CACNA1F: variants seen among roughly 807,000 people sequenced by gnomAD.
The protein encoded by CACNA1F is calcium voltage-gated channel subunit alpha1 F.
A neutral mutation model predicts 143.8 loss-of-function variants in CACNA1F; 59 were observed. That is an observed-to-expected ratio of 0.41 (90% CI 0.33 to 0.51). The LOEUF is 0.51. Ranked by LOEUF, CACNA1F falls within the 20% of genes least tolerant of loss-of-function variation. CACNA1F has a pLI of 0.22. For missense variants in CACNA1F, 1,411 were observed against 1,647.5 expected (o/e 0.86, Z 2.48); for synonymous variants, 643 against 649.1 (o/e 0.99, Z 0.14).
In CACNA1F at chrX:49,226,657, C is replaced by T. The variant is rs1234852260; in HGVS notation, c.1322G>A (p.Arg441His). Residue 441 changes from arginine (R) to histidine (H), a missense_variant, in exon 10 of 48, where the codon CGC (arginine) becomes CAC (histidine). Physicochemically the swap from Arg to His is conservative, Grantham distance 29. This residue lies in a region of CACNA1F where 950 missense variants were observed against 1,128.1 expected (regional missense o/e 0.84). Coordinates refer to ENST00000323022, the MANE Select transcript of CACNA1F (RefSeq NM_001256789.3). Reference protein sequence around the residue: ...ELTNRRRGRLRWFSHSTRSTH... With the variant: ...ELTNRRRGRLHWFSHSTRSTH... ...GGAGCGAGTAGAATGACTGAACCAG[C>T]GCAGACGTCCACGCCTCCTATTGGT... 1.8e-5 allele frequency: 21 copies of T among 1,182,363 alleles called. No homozygotes were observed. Among genetic ancestry groups the T allele is most frequent in the African/African-American group, 1.1e-4 (6 of 56,381 alleles).
chrX:49,216,604 G>C, intron 26 of CACNA1F, 76 bp from the exon 27 acceptor site: 3 of 932,712 alleles, frequency 3.2e-6, no homozygotes, highest in Non-Finnish European at 4.5e-6. Flanking sequence ...CTCCAGCATG[G>C]AGGCAGCAGG....
chrX:49,226,879 C>T, intron 9 of CACNA1F, 91 bp downstream of exon 9: 2 of 1,148,556 alleles, frequency 1.7e-6, no homozygotes, highest in Non-Finnish European at 2.4e-6. Context: ...GGGTGGGTCT[C>T]AGGAGGGCAG....
chrX:49,215,024 A>T (rs983154864), intron 29 of CACNA1F, 62 bp downstream of exon 29: 30 of 1,062,171 alleles, frequency 2.8e-5, no homozygotes, highest in Non-Finnish European at 3.8e-5. Context: ...AATGGTTCCC[A>T]AGGGATTATG....
chrX:49,219,794 G>T lies in CACNA1F; in HGVS notation c.2387-4C>A. On this transcript the variant is annotated splice_region_variant and splice_polypyrimidine_tract_variant and intron_variant, in intron 19 of 47. Transcript: ENST00000323022. ...TCCTCCTCCTCCTCCTCCATGTCTG[G>T]CACCAGAGAAAAGCAAAAAAAAATT... The T allele has an allele frequency of 2.8e-6, 3 of 1,070,338 alleles. No individual in the cohort carries two copies. The highest frequency in any genetic ancestry group is 2.5e-6 in the Non-Finnish European group (2 of 787,031). 88.2% of individuals were successfully genotyped at this position (1,070,338 alleles called of 1,213,427 possible). A position where few individuals can be genotyped will look rare whatever the true frequency, so the allele number is the denominator to read the frequency against.
At position 49,214,223 on chromosome X, in the gene CACNA1F, T is replaced by C. The variant is rs1216204070; in HGVS notation, c.3644A>G (p.Asn1215Ser). Reference protein sequence around the residue: ...APFNYAMDILNMVFTGLFTIE... With the variant: ...APFNYAMDILSMVFTGLFTIE... ...AGTGAAGAGGCCAGTGAAGACCATG[T>C]TGAGGATGTCCATGGCATAGTTGAA... is the stretch of plus-strand genomic sequence containing the variant. The change falls in exon 30 of 48, where the codon AAC becomes AGC. Residue 1215 changes from asparagine to serine, a missense_variant. Physicochemically the swap from Asn to Ser is conservative, Grantham distance 46. Coordinates refer to ENST00000323022, the MANE Select transcript of CACNA1F (RefSeq NM_001256789.3). 8.3e-7 allele frequency: 1 copy of C among 1,203,967 alleles called. No homozygotes were observed.
Position 49,228,398 on chromosome X carries a change from C to T in CACNA1F, c.867G>A (p.Gly289=), listed in dbSNP as rs199981245. Residue 289 remains glycine, a synonymous_variant, in exon 7 of 48, where the codon GGG becomes GGA. Coordinates refer to ENST00000323022, the MANE Select transcript of CACNA1F (RefSeq NM_001256789.3). ...DPSPCASSGS[G]RACTLNQTEC... Reference sequence around the variant, plus strand: ...CAGTCTGGTTCAGCGTGCACGCACGCCCTGATCCCGAAGACGCACAGGGCG... The same window carrying T: ...CAGTCTGGTTCAGCGTGCACGCACGTCCTGATCCCGAAGACGCACAGGGCG... 10 of 1,208,871 alleles carry T rather than the reference C, an allele frequency of 8.3e-6. No individual in the cohort carries two copies. The East Asian group carries it at 1.2e-4, about 14-fold the overall frequency.
chrX:49,221,707 C>T (rs1007147234), intron 17 of CACNA1F, among the ~76,000 whole-genome samples: 3 of 106,265 alleles, frequency 2.8e-5, no homozygotes, highest in African/African-American at 1.0e-4. Context: ...TGGTCAGGTG[C>T]GGTGGCTCAC....
At chrX:49,225,072 A>ATG in intron 13 of CACNA1F, 86 bp from the exon 14 acceptor site, 1 of 614,248 alleles carries the variant, frequency 1.6e-6, no homozygotes, top group South Asian at 2.4e-5. Flanking sequence ...GGGGTGACCC[A>ATG]CGGTAGCTGG....
intron 17 of CACNA1F, among the ~76,000 whole-genome samples, chrX:49,221,503 G>C (rs2065774575): frequency 9.1e-6 from 1 of 110,260 alleles, no homozygotes; most frequent in Non-Finnish European, 1.9e-5. Context: ...CCGCCTCCTG[G>C]GTTCAAGCGA....
At position 49,231,907 on chromosome X, in the gene CACNA1F, G is replaced by A. The variant is rs781798847; in HGVS notation, c.46C>T (p.Pro16Ser). 2 of 1,177,288 alleles carry A rather than the reference G, an allele frequency of 1.7e-6. No homozygotes were observed. The highest frequency in any genetic ancestry group is 3.7e-5 in the South Asian group (2 of 53,594). ...GGACCAGGGCCTGCCCCATTGGCTG[G>A]ACTGGGCTCTGGGGTGGTGTCTATA... ...GGKDTTPEPS[P>S]ANGAGPGPEW... Residue 16 changes from proline (P) to serine (S), a missense_variant, in exon 2 of 48, where the codon CCA (proline) becomes TCA (serine). Around this residue, in one of 3 missense-constraint regions of CACNA1F, gnomAD observed 950 missense variants for 1,128.1 expected, o/e 0.84. Coordinates refer to ENST00000323022, the MANE Select transcript of CACNA1F (RefSeq NM_001256789.3).
chrX:49,221,988 TA>T (rs60236413), intron 17 of CACNA1F, among the ~76,000 whole-genome samples: 75 of 100,106 alleles, frequency 7.5e-4, no homozygotes, highest in Middle Eastern at 5.1e-3. Context: ...CATATCAGAA[TA>T]AAAAAAAAAA....
chrX:49,225,785 T>G, intron 13 of CACNA1F, 124 bp downstream of exon 13: 4 of 491,060 alleles, frequency 8.1e-6, no homozygotes, highest in Non-Finnish European at 1.4e-5. Context: ...GGGCTCTGGA[T>G]TTATTTGGGT....
In CACNA1F at chrX:49,206,557, G is replaced by A; in HGVS notation, c.5426C>T (p.Pro1809Leu). The change falls in exon 46 of 48, where the codon CCA (proline) becomes CTA (leucine). Residue 1809 changes from proline (P) to leucine (L), a missense_variant. Physicochemically the swap from Pro to Leu is moderately conservative, Grantham distance 98. Coordinates refer to ENST00000323022, the MANE Select transcript of CACNA1F (RefSeq NM_001256789.3). ...RQGSCEDLPIPGTYHRGRNSG... is the reference protein window; with the variant it reads ...RQGSCEDLPILGTYHRGRNSG... ...ATTTCGCCCACGATGATAGGTGCCT[G>A]GGATGGGTAAATCCTCACAACTGCC... The A allele has an allele frequency of 8.3e-7, 1 of 1,211,118 alleles. No individual in the cohort carries two copies. The highest frequency in any genetic ancestry group is 2.3e-4 in the Middle Eastern group (1 of 4,346).
chrX:49,206,392 CAAAAA>C (rs1168190548), intron 46 of CACNA1F, 114 bp downstream of exon 46: 355 of 165,180 alleles, frequency 2.1e-3, no homozygotes, highest in Middle Eastern at 5.7e-3. Context: ...AACTCTGTCT[CAAAAA>C]AAAAAAAAAA....
Position 49,226,080 on chromosome X carries a change from G to T in CACNA1F, c.1491-11C>A. 8.4e-7 allele frequency: 1 copy of T among 1,192,691 alleles called. No homozygotes were observed. Among genetic ancestry groups the T allele is most frequent in the Non-Finnish European group, 1.1e-6 (1 of 885,388 alleles). On this transcript the variant is annotated splice_polypyrimidine_tract_variant and intron_variant, in intron 12 of 47. Coordinates refer to ENST00000323022, the MANE Select transcript of CACNA1F (RefSeq NM_001256789.3). ...CGGCGGAGGCGGCGGCTGGGGGAAG[G>T]GGAGCCCACAGGCTGAGATCACCTA...
chrX:49,214,123 A>G (rs1345221863), intron 30 of CACNA1F, 36 bp downstream of exon 30: 3 of 919,677 alleles, frequency 3.3e-6, no homozygotes, highest in Non-Finnish European at 4.8e-6. Context: ...CAAGGAATTC[A>G]TCCACTGGTG....
chrX:49,207,156 T>G (rs782266690), intron 43 of CACNA1F, 44 bp from the exon 44 acceptor site: 1 of 789,414 alleles, frequency 1.3e-6, no homozygotes, highest in African/African-American at 2.1e-5. Context: ...TCCCTCAATA[T>G]GTGGCCCTGG....
Position 49,211,913 on chromosome X carries a change from A to G in CACNA1F, c.4085T>C (p.Val1362Ala), listed in dbSNP as rs200903890. The change falls in exon 35 of 48, where the codon GTG becomes GCG. Residue 1362 changes from valine to alanine, a missense_variant. This residue lies in a region of CACNA1F where 112 missense variants were observed against 169.2 expected (regional missense o/e 0.66). Transcript: ENST00000323022. The stretch of plus-strand genomic sequence containing the variant: ...TAGATGTCACCTGAACAGAAGCAGC[A>G]CAGCCTGTGGAAAGGTCTGGAAGTT... ...NNNFQTFPQAVLLLFRCATGE... is the reference protein window; with the variant it reads ...NNNFQTFPQAALLLFRCATGE... 4.6e-4 allele frequency: 561 copies of G among 1,209,096 alleles called. No individual in the cohort carries two copies. Among genetic ancestry groups the G allele is most frequent in the Middle Eastern group, 6.9e-4 (3 of 4,359 alleles).
At chrX:49,210,147 A>G in intron 39 of CACNA1F, 105 bp from the exon 40 acceptor site, 1 of 686,681 alleles carries the variant, frequency 1.5e-6, no homozygotes, top group Non-Finnish European at 2.4e-6. Flanking sequence ...CCGCAGATGC[A>G]CACCGCCCCC....
Sources: gnomAD v4.1 joint callset for allele counts (sites outside exome capture counted in the v4.1 genomes callset) on GRCh38, gnomAD v4.1.1 for gene constraint, gnomAD v4.1.1 regional missense constraint, MANE v1.5 for transcripts, NCBI Gene and HGNC (gene_info 2026-07-23, HGNC 2026-07-21) for gene names.